The following MBNL2 variants were observed in gnomAD, a reference collection of about 807,000 sequenced individuals.
The protein encoded by MBNL2 is muscleblind-like protein 2.
MBNL2 carries 17 observed loss-of-function variants against 41.9 expected under a neutral mutation model. The observed-to-expected ratio is 0.41, with a 90% CI of 0.28 to 0.61. MBNL2 has a LOEUF of 0.61. Among genes scored for constraint, MBNL2 ranks in the 20% least tolerant of loss-of-function variants. The probability of loss-of-function intolerance (pLI) is 0.35; values close to 1 mark genes in which losing one functional copy is unlikely to be tolerated. For missense variants in MBNL2, 336 were observed against 505.6 expected (o/e 0.66, Z 3.22); for synonymous variants, 195 against 182.9 (o/e 1.07, Z -0.53).
At chr13:97,242,716 G>T (rs1203408223) in intron 1 of MBNL2, among the ~76,000 whole-genome samples, 1 of 151,850 alleles carries the variant, frequency 6.6e-6, no homozygotes, top group East Asian at 1.9e-4. Flanking sequence ...GGGGATGAGG[G>T]TACCTAAGAA....
chr13:97,156,562 T>A, the MBNL2 span, among the ~76,000 whole-genome samples: 1 of 139,572 alleles, frequency 7.2e-6, no homozygotes, highest in Admixed American at 7.3e-5. Context: ...CATCTTGAAT[T>A]GATTTTTGTA....
chr13:97,160,602 G>A, the MBNL2 span, among the ~76,000 whole-genome samples: 6 of 152,010 alleles, frequency 3.9e-5, no homozygotes, highest in Non-Finnish European at 5.9e-5. Context: ...ATAAAATTAG[G>A]CAGGGAAGCC....
At chr13:97,174,765 T>C in the MBNL2 span, among the ~76,000 whole-genome samples, 14 of 152,072 alleles carry the variant, frequency 9.2e-5, no homozygotes, top group African/African-American at 3.1e-4. Flanking sequence ...AGGTTTCTTT[T>C]CTGGAAAAAT....
chr13:97,212,911 A>G, the MBNL2 span, among the ~76,000 whole-genome samples: 1 of 152,168 alleles, frequency 6.6e-6, no homozygotes, highest in Non-Finnish European at 1.5e-5. Context: ...TTGGAAGGGT[A>G]GTTATGCCCA....
chr13:97,169,500 A>C, the MBNL2 span, among the ~76,000 whole-genome samples: 1 of 152,254 alleles, frequency 6.6e-6, no homozygotes. Context: ...AAATTTCACA[A>C]AAGCAAGATT....
At position 97,307,517 on chromosome 13, in the gene MBNL2, T is replaced by G. The variant is rs565451655; in HGVS notation, c.175-26759T>G. Among the ~76,000 whole-genome samples the G allele has an allele frequency of 9.8e-5, 15 of 152,290 alleles. No individual in the cohort carries two copies. The South Asian group carries it at 3.1e-3, about 32-fold the overall frequency. The stretch of plus-strand genomic sequence containing the variant: ...GAAGCCGACATACCGTTATATTGGA[T>G]TTCAGAAAAGTCAAGTAATCCCATA... On this transcript the variant is annotated intron_variant, in intron 2 of 8. Transcript: ENST00000679496.
chr13:97,382,111 A>G (rs2153159635), intron 8 of MBNL2, among the ~76,000 whole-genome samples: 1 of 152,264 alleles, frequency 6.6e-6, no homozygotes, highest in South Asian at 2.1e-4. Context: ...CCCACATATT[A>G]TATATTTTTT....
rs903069496 is a variant in MBNL2, at chr13:97,334,186, C to G, written c.175-90C>G. On this transcript the variant is annotated intron_variant, in intron 2 of 8. Coordinates refer to ENST00000679496, the MANE Select transcript of MBNL2 (RefSeq NM_001382683.1). This position sits in a 1 kb window ranked among gnomAD's most constrained non-coding sequence, Gnocchi z 5.3. ...CACACACACACACACAGGATCCTTGCTTTTGTGCATAAGAAGTGATTGTTC... is the reference window on the plus strand; with the variant it reads ...CACACACACACACACAGGATCCTTGGTTTTGTGCATAAGAAGTGATTGTTC... 1.4e-5 allele frequency: 13 copies of G among 959,940 alleles called. No individual in the cohort carries two copies. The East Asian group carries it at 2.8e-4, about 21-fold the overall frequency. 59.5% of individuals were successfully genotyped at this position (959,940 alleles called of 1,614,324 possible). A position where few individuals can be genotyped will look rare whatever the true frequency, so the allele number is the denominator to read the frequency against.
chr13:97,329,687 ACACAATAC>A (rs2060232358), intron 2 of MBNL2, among the ~76,000 whole-genome samples: 2 of 92 alleles, frequency 0.022, no homozygotes, highest in Non-Finnish European at 0.036. Context: ...TACACAACAC[ACACAATAC>A]ACACACATGC....
chr13:97,155,769 G>A, the MBNL2 span, among the ~76,000 whole-genome samples: 14 of 152,016 alleles, frequency 9.2e-5, no homozygotes, highest in East Asian at 1.9e-4. Context: ...GTGTACATGC[G>A]CCACATTTTC....
At chr13:97,233,458 C>T (rs187747370) in intron 1 of MBNL2, among the ~76,000 whole-genome samples, 5 of 150,992 alleles carry the variant, frequency 3.3e-5, no homozygotes, top group African/African-American at 9.7e-5. Flanking sequence ...GTTCTCTCTT[C>T]GAAGTCTGTA....
At chr13:97,341,873 A>G (rs1176339712) in intron 3 of MBNL2, among the ~76,000 whole-genome samples, 3 of 152,258 alleles carry the variant, frequency 2.0e-5, no homozygotes, top group Admixed American at 1.3e-4. Context: ...AATAGACAAG[A>G]AGAATGTCAC....
At chr13:97,270,354 C>A (rs1038314463) in intron 1 of MBNL2, among the ~76,000 whole-genome samples, 6 of 151,888 alleles carry the variant, frequency 4.0e-5, no homozygotes, top group African/African-American at 1.5e-4. Context: ...TTTTCACATT[C>A]TTTTTTTTCT....
chr13:97,202,578 T>A, the MBNL2 span, among the ~76,000 whole-genome samples: 3 of 152,294 alleles, frequency 2.0e-5, no homozygotes, highest in East Asian at 5.8e-4. Context: ...TCTCCATGGT[T>A]TTCTGTTTCC....
chr13:97,198,048 T>G, the MBNL2 span, among the ~76,000 whole-genome samples: 1 of 152,176 alleles, frequency 6.6e-6, no homozygotes, highest in African/African-American at 2.4e-5. Context: ...TAAACTTGAC[T>G]GGGCCATGAG....
At chr13:97,142,637 C>CTGCTT in the MBNL2 span, among the ~76,000 whole-genome samples, 2 of 152,348 alleles carry the variant, frequency 1.3e-5, no homozygotes, top group South Asian at 4.1e-4. Context: ...GCCTCCACGG[C>CTGCTT]TGCTTTGCTC....
At chr13:97,361,654 T>C (rs1263375591) in intron 7 of MBNL2, among the ~76,000 whole-genome samples, 2 of 152,178 alleles carry the variant, frequency 1.3e-5, no homozygotes, top group Non-Finnish European at 2.9e-5. Context: ...GTGGATTATT[T>C]GCAATCCCAA....
chr13:97,259,798 G>A (rs1385956923), intron 1 of MBNL2, among the ~76,000 whole-genome samples: 2 of 152,178 alleles, frequency 1.3e-5, no homozygotes, highest in Non-Finnish European at 2.9e-5. Flanking sequence ...AACAGCGGTT[G>A]AGAAAGATTT....
chr13:97,222,480 C>A lies in MBNL2; in HGVS notation c.-656C>A, dbSNP rs2040950656. ...AGAAGCCTCGGCCACTTGGTTCTGCCAGATGTTCCTGGGGTTACTGTAAAT... is the reference window on the plus strand; with the variant it reads ...AGAAGCCTCGGCCACTTGGTTCTGCAAGATGTTCCTGGGGTTACTGTAAAT... On this transcript the variant is annotated 5_prime_UTR_variant, in exon 1 of 9. Coordinates refer to ENST00000679496, the MANE Select transcript of MBNL2 (RefSeq NM_001382683.1). 1 of 398,522 alleles carries A rather than the reference C, an allele frequency of 2.5e-6. No individual in the cohort carries two copies. Among genetic ancestry groups the A allele is most frequent in the African/African-American group, 2.1e-5 (1 of 48,618 alleles). 24.7% of individuals were successfully genotyped at this position (398,522 alleles called of 1,614,324 possible).
Sources: gnomAD v4.1 joint callset for allele counts (sites outside exome capture counted in the v4.1 genomes callset) on GRCh38, gnomAD v4.1.1 for gene constraint, Gnocchi (gnomAD v3.1) non-coding constraint, MANE v1.5 for transcripts, NCBI Gene and HGNC (gene_info 2026-07-23, HGNC 2026-07-21) for gene names.